CCSER1: variants seen among roughly 807,000 people sequenced by gnomAD.
CCSER1 encodes the protein serine-rich coiled-coil domain-containing protein 1.
Under a neutral mutation model 82.0 loss-of-function variants are expected in CCSER1, and 41 were observed. The ratio of observed to expected loss-of-function variants is 0.50; its 90% CI spans 0.39 to 0.65. The LOEUF is 0.65. Among genes scored for constraint, CCSER1 ranks in the 30% least tolerant of loss-of-function variants. The pLI is 0.00. For synonymous variants in CCSER1, 414 were observed against 383.9 expected (o/e 1.08, Z -0.92); for missense variants, 1,119 against 1,064.2 (o/e 1.05, Z -0.72).
chr4:90,332,205 G>A (rs1041844169), intron 3 of CCSER1, among the ~76,000 whole-genome samples: 4 of 151,578 alleles, frequency 2.6e-5, no homozygotes, highest in Admixed American at 1.3e-4. Context: ...GTTATGCCAC[G>A]TCGCTACAGT....
intron 4 of CCSER1, among the ~76,000 whole-genome samples, chr4:90,432,323 C>T (rs2153567231): frequency 1.3e-5 from 2 of 152,222 alleles, no homozygotes; most frequent in South Asian, 4.1e-4. Flanking sequence ...GTGCAGTCAC[C>T]TGCATGTATG....
chr4:91,076,846 G>C (rs906323403), intron 9 of CCSER1, among the ~76,000 whole-genome samples: 1 of 152,138 alleles, frequency 6.6e-6, no homozygotes. Flanking sequence ...TGGAGGAACA[G>C]CCTAAACATA....
chr4:90,214,055 G>A (rs1348335913), intron 1 of CCSER1, among the ~76,000 whole-genome samples: 2 of 152,076 alleles, frequency 1.3e-5, no homozygotes, highest in Non-Finnish European at 2.9e-5. Context: ...AAATTTGTAG[G>A]CAATAATCTA....
intron 9 of CCSER1, among the ~76,000 whole-genome samples, chr4:90,936,474 G>GT (rs1183712324): frequency 6.6e-6 from 1 of 151,848 alleles, no homozygotes; most frequent in Non-Finnish European, 1.5e-5. Flanking sequence ...GATGGATTAA[G>GT]TTTTTTTTGT....
intron 10 of CCSER1, among the ~76,000 whole-genome samples, chr4:91,531,976 G>T (rs1465351230): frequency 6.6e-6 from 1 of 152,160 alleles, no homozygotes; most frequent in Non-Finnish European, 1.5e-5. Flanking sequence ...GTCTCCCAAT[G>T]TACTGGAATT....
rs1373107879 is a variant in CCSER1, at chr4:90,359,052, A to G, written c.1510-40984A>G. On this transcript the variant is annotated intron_variant, in intron 3 of 10. Transcript: ENST00000509176. ...TCATGTATCCAACTGCCAAATGAAC[A>G]TCATAAGGCACGATGTGTTACGAAT... Among the ~76,000 whole-genome samples, 2 of 152,208 alleles carry G rather than the reference A, an allele frequency of 1.3e-5. 1 individual carries two copies. Among genetic ancestry groups the G allele is most frequent in the Middle Eastern group, 6.3e-3 (2 of 316 alleles).
intron 10 of CCSER1, among the ~76,000 whole-genome samples, chr4:91,234,406 G>T (rs941740465): frequency 3.9e-5 from 6 of 151,934 alleles, no homozygotes; most frequent in Non-Finnish European, 8.8e-5. Flanking sequence ...AAATCCTGGG[G>T]TCTGAGCAGA....
chr4:90,610,270 A>C (rs1785284601), intron 5 of CCSER1, among the ~76,000 whole-genome samples: 1 of 150,228 alleles, frequency 6.7e-6, no homozygotes, highest in Non-Finnish European at 1.5e-5. Context: ...TAAATAAATA[A>C]ATAAATAAAT....
In CCSER1 at chr4:90,884,380, A is replaced by G. The variant is rs116275682; in HGVS notation, c.2095-38990A>G. Among the ~76,000 whole-genome samples the G allele has an allele frequency of 2.0e-3, 298 of 152,328 alleles. 1 individual carries two copies. Among genetic ancestry groups the G allele is most frequent in the African/African-American group, 7.0e-3 (290 of 41,588 alleles). The stretch of plus-strand genomic sequence containing the variant: ...ACCCATGGAGAAGGGATACATGTAT[A>G]TACACACACGCACATACACATGTTG... On this transcript the variant is annotated intron_variant, in intron 8 of 10. Transcript: ENST00000509176.
intron 5 of CCSER1, among the ~76,000 whole-genome samples, chr4:90,560,943 CTT>C (rs1778692372): frequency 6.6e-6 from 1 of 152,130 alleles, no homozygotes; most frequent in African/African-American, 2.4e-5. Flanking sequence ...TGGCAGGTGA[CTT>C]TACAAGTAAC....
chr4:91,360,676 G>A (rs922809940), intron 10 of CCSER1, among the ~76,000 whole-genome samples: 15 of 151,768 alleles, frequency 9.9e-5, no homozygotes, highest in Admixed American at 7.9e-4. Context: ...AGTAACTGAT[G>A]TAGAAGAAGG....
chr4:91,569,441 T>C (rs1763058426), intron 10 of CCSER1, among the ~76,000 whole-genome samples: 1 of 152,270 alleles, frequency 6.6e-6, no homozygotes, highest in South Asian at 2.1e-4. Context: ...TAGGCTGTTC[T>C]CATGCTTGTG....
chr4:90,363,660 C>G (rs1395117383), intron 3 of CCSER1, among the ~76,000 whole-genome samples: 2 of 151,946 alleles, frequency 1.3e-5, no homozygotes, highest in African/African-American at 4.8e-5. Context: ...TCCAAAGAAG[C>G]TAAAGAAAAT....
chr4:91,033,032 A>G (rs981251769), intron 9 of CCSER1, among the ~76,000 whole-genome samples: 1 of 150,940 alleles, frequency 6.6e-6, no homozygotes, highest in Non-Finnish European at 1.5e-5. Context: ...TGAGAGACGA[A>G]CATAGGAGAA....
At chr4:91,455,360 A>G (rs778310867) in intron 10 of CCSER1, among the ~76,000 whole-genome samples, 1 of 152,098 alleles carries the variant, frequency 6.6e-6, no homozygotes, top group Non-Finnish European at 1.5e-5. Context: ...ATATGATAGC[A>G]TTAACAGGTG....
intron 1 of CCSER1, among the ~76,000 whole-genome samples, chr4:90,244,007 A>G (rs1720939230): frequency 6.6e-6 from 1 of 152,194 alleles, no homozygotes; most frequent in Non-Finnish European, 1.5e-5. Context: ...AATTATCACA[A>G]TAGTGAATAA....
intron 9 of CCSER1, among the ~76,000 whole-genome samples, chr4:91,073,641 T>C (rs1262589868): frequency 6.6e-6 from 1 of 152,094 alleles, no homozygotes; most frequent in East Asian, 1.9e-4. Flanking sequence ...AATACAGATA[T>C]GTAAGTTAAA....
At chr4:90,201,994 T>C (rs1281729580) in intron 1 of CCSER1, among the ~76,000 whole-genome samples, 2 of 152,156 alleles carry the variant, frequency 1.3e-5, no homozygotes, top group African/African-American at 4.8e-5. Flanking sequence ...TTATTCTTAA[T>C]ATTTTTTCCC....
chr4:91,210,663 A>G (rs1736739949), intron 10 of CCSER1, among the ~76,000 whole-genome samples: 1 of 151,924 alleles, frequency 6.6e-6, no homozygotes, highest in Non-Finnish European at 1.5e-5. Context: ...TGTTAAGGAT[A>G]TAAAATTCAA....
Sources: gnomAD v4.1 joint callset for allele counts (sites outside exome capture counted in the v4.1 genomes callset) on GRCh38, gnomAD v4.1.1 for gene constraint, MANE v1.5 for transcripts, NCBI Gene and HGNC (gene_info 2026-07-23, HGNC 2026-07-21) for gene names.